The following DLG2 variants were observed in gnomAD, a reference collection of about 807,000 sequenced individuals.
The protein encoded by DLG2 is discs large MAGUK scaffold protein 2, also known as disks large homolog 2.
DLG2 carries 45 observed loss-of-function variants against 132.5 expected under a neutral mutation model. The ratio of observed to expected loss-of-function variants is 0.34; its 90% CI spans 0.27 to 0.44. The LOEUF (loss-of-function observed/expected upper bound fraction) is 0.44. Among genes scored for constraint, DLG2 ranks in the 20% least tolerant of loss-of-function variants. DLG2 has a pLI of 1.00. For missense variants in DLG2, 1,045 were observed against 1,196.9 expected (o/e 0.87, Z 1.87); for synonymous variants, 424 against 419.6 (o/e 1.01, Z -0.13).
chr11:83,625,865 A>G (rs1480989199), intron 19 of DLG2, among the ~76,000 whole-genome samples: 1 of 152,230 alleles, frequency 6.6e-6, no homozygotes, highest in Admixed American at 6.5e-5. Flanking sequence ...TGAGGATGCA[A>G]CCAGACTCGA....
intron 7 of DLG2, among the ~76,000 whole-genome samples, chr11:84,307,691 G>A (rs1461376900): frequency 4.7e-5 from 4 of 84,516 alleles, no homozygotes; most frequent in Non-Finnish European, 8.5e-5. Flanking sequence ...GCGAGACGCA[G>A]TCTCAAAAAA....
intron 6 of DLG2, among the ~76,000 whole-genome samples, chr11:85,022,933 AT>A (rs2060207740): frequency 6.6e-6 from 1 of 152,138 alleles, no homozygotes; most frequent in South Asian, 2.1e-4. Flanking sequence ...AGGGAAAAAA[AT>A]CTTACCCAAC....
At chr11:84,404,133 T>C (rs1363849234) in intron 7 of DLG2, among the ~76,000 whole-genome samples, 3 of 152,182 alleles carry the variant, frequency 2.0e-5, no homozygotes, top group African/African-American at 7.2e-5. Flanking sequence ...AGCAAAAACC[T>C]TGATGTCTAT....
intron 8 of DLG2, among the ~76,000 whole-genome samples, chr11:84,221,474 A>G (rs916417738): frequency 6.6e-6 from 1 of 152,008 alleles, no homozygotes; most frequent in African/African-American, 2.4e-5. Context: ...AAATAATAAT[A>G]ATAATAATAT....
chr11:85,455,324 T>C (rs2092386123), intron 3 of DLG2, among the ~76,000 whole-genome samples: 1 of 152,212 alleles, frequency 6.6e-6, no homozygotes, highest in Non-Finnish European at 1.5e-5. Flanking sequence ...GCTCTCCACT[T>C]AGATGTTGTT....
chr11:84,248,999 C>T (rs779207203), intron 8 of DLG2, among the ~76,000 whole-genome samples: 3 of 152,202 alleles, frequency 2.0e-5, no homozygotes, highest in Non-Finnish European at 4.4e-5. Flanking sequence ...ATTTTACTAG[C>T]TAATCATTTG....
intron 3 of DLG2, among the ~76,000 whole-genome samples, chr11:85,459,030 T>C (rs1187177772): frequency 6.6e-6 from 1 of 152,164 alleles, no homozygotes; most frequent in African/African-American, 2.4e-5. Flanking sequence ...GGGCTCAAGC[T>C]AGGAAGGCCC....
intron 8 of DLG2, among the ~76,000 whole-genome samples, chr11:84,231,953 G>A (rs951642094): frequency 2.0e-5 from 3 of 151,968 alleles, no homozygotes; most frequent in Non-Finnish European, 2.9e-5. Flanking sequence ...TACACACCAG[G>A]ACAGAAAGAC....
chr11:85,019,806 T>C (rs545192241), intron 6 of DLG2, among the ~76,000 whole-genome samples: 2 of 152,326 alleles, frequency 1.3e-5, no homozygotes, highest in South Asian at 4.1e-4. Context: ...ACTCATCTTT[T>C]TTATAGCTGC....
At chr11:84,220,377 T>C (rs1026234776) in intron 8 of DLG2, among the ~76,000 whole-genome samples, 11 of 152,176 alleles carry the variant, frequency 7.2e-5, no homozygotes, top group African/African-American at 2.4e-4. Flanking sequence ...AAGCTAGAGA[T>C]TTACTATTTA....
At chr11:85,208,999 T>C (rs187165271) in intron 4 of DLG2, among the ~76,000 whole-genome samples, 3 of 152,266 alleles carry the variant, frequency 2.0e-5, no homozygotes, top group African/African-American at 4.8e-5. Context: ...GCAAGTACAC[T>C]GGGTTCATGC....
At chr11:84,283,599 C>G (rs1202968570) in intron 7 of DLG2, among the ~76,000 whole-genome samples, 1 of 152,122 alleles carries the variant, frequency 6.6e-6, no homozygotes, top group Non-Finnish European at 1.5e-5. Context: ...ATTGTAGATT[C>G]ACCTTTCCTA....
chr11:84,381,612 G>C (rs1014354771), intron 7 of DLG2, among the ~76,000 whole-genome samples: 15 of 152,112 alleles, frequency 9.9e-5, no homozygotes, highest in Admixed American at 8.5e-4. Flanking sequence ...TTTCAATTTA[G>C]TAGTGATAAA....
intron 6 of DLG2, among the ~76,000 whole-genome samples, chr11:84,900,704 A>C (rs1159269773): frequency 6.6e-6 from 1 of 152,098 alleles, no homozygotes; most frequent in South Asian, 2.1e-4. Context: ...GAACTAAATG[A>C]AATTAGCTCT....
chr11:85,519,849 G>A (rs887155527), intron 3 of DLG2, among the ~76,000 whole-genome samples: 4 of 152,042 alleles, frequency 2.6e-5, no homozygotes, highest in South Asian at 2.1e-4. Context: ...TATTATAAGG[G>A]GGAGTTTTCC....
intron 3 of DLG2, among the ~76,000 whole-genome samples, chr11:85,413,683 T>C (rs1048161892): frequency 1.3e-5 from 2 of 152,034 alleles, no homozygotes; most frequent in Non-Finnish European, 2.9e-5. Flanking sequence ...CTTTATGTTT[T>C]GGTTTGCTTT....
At chr11:84,941,686 T>C (rs1038852483) in intron 6 of DLG2, among the ~76,000 whole-genome samples, 6 of 149,886 alleles carry the variant, frequency 4.0e-5, no homozygotes, top group African/African-American at 1.5e-4. Context: ...CCTGTAGTTT[T>C]CTTTCTTTCT....
At position 83,520,639 on chromosome 11, in the gene DLG2, G is replaced by GATAGATAGATAGA. The variant is rs2095443498; in HGVS notation, c.2193+12068_2193+12069insTCTATCTATCTAT. ...GACAGGTAGGTAGATAGGTAGGTAG[G>GATAGATAGATAGA]TAGATAGATAGATAGATAGATAGAT... is the stretch of plus-strand genomic sequence containing the variant. On this transcript the variant is annotated intron_variant, in intron 21 of 27. Transcript: ENST00000376104. Among the ~76,000 whole-genome samples, 45 of 148,068 alleles carry GATAGATAGATAGA rather than the reference G, an allele frequency of 3.0e-4. No homozygotes were observed. The East Asian group carries it at 4.2e-3, about 14-fold the overall frequency.
intron 4 of DLG2, among the ~76,000 whole-genome samples, chr11:85,282,036 AT>A (rs1462098362): frequency 6.6e-6 from 1 of 151,994 alleles, no homozygotes; most frequent in Admixed American, 6.6e-5. Flanking sequence ...TAAAAAAAAA[AT>A]AAATAAATAA....
Sources: allele counts gnomAD v4.1 joint callset (sites outside exome capture counted in the v4.1 genomes callset), GRCh38; gene constraint gnomAD v4.1.1; transcripts MANE v1.5; gene names NCBI Gene and HGNC (gene_info 2026-07-23, HGNC 2026-07-21).